The following CSPG4 variants were observed in gnomAD, a reference collection of about 807,000 sequenced individuals.
CSPG4 encodes the protein chondroitin sulfate proteoglycan 4, also known as chondroitin sulfate proteoglycan 4 (melanoma-associated).
In CSPG4, 74 loss-of-function variants were observed where a neutral mutation model predicts 139.3. That is an observed-to-expected ratio of 0.53 (90% CI 0.44 to 0.64). The LOEUF is 0.64. Ranked by LOEUF, CSPG4 falls within the 30% of genes least tolerant of loss-of-function variation. The pLI, the probability that CSPG4 is intolerant of heterozygous loss-of-function variation, is 0.00. For synonymous variants in CSPG4, 1,234 were observed against 1,394.2 expected (o/e 0.89, Z 2.56); for missense variants, 2,565 against 3,148.3 (o/e 0.81, Z 4.43).
rs1222388009 is a variant in CSPG4 at position 75,684,244 on chromosome 15, TC to T, written c.4449+491del. On this transcript the variant is annotated intron_variant, in intron 5 of 9. Coordinates refer to ENST00000308508, the MANE Select transcript of CSPG4 (RefSeq NM_001897.5). ...TCCATCCCACGTCTGGGCCTCAACT[TC>T]CACCTGCAGAGTGGGGCCCTTACCT... Among the ~76,000 whole-genome samples the T allele has an allele frequency of 2.0e-5, 3 of 152,358 alleles. No individual in the cohort carries two copies. In the East Asian group the frequency reaches 5.8e-4, roughly 29 times the overall value.
chr15:75,689,340 A>G lies in CSPG4; in HGVS notation c.1725T>C (p.Pro575=), dbSNP rs372761533. 1.5e-5 allele frequency: 24 copies of G among 1,611,308 alleles called. No individual in the cohort carries two copies. Among genetic ancestry groups the G allele is most frequent in the African/African-American group, 9.3e-5 (7 of 74,868 alleles). Residue 575 remains proline (P), a synonymous_variant, in exon 3 of 10, where the codon CCT becomes CCC. Transcript: ENST00000308508. The part of the protein sequence containing the change: ...ILEHTQKPLG[P]EVFQAYDPDS... ...CCGGGTCATAGGCCTGGAAAACCTC[A>G]GGCCCCAGCGGCTTCTGCGTGTGTT...
chr15:75,701,011 C>T (rs1450052830), intron 1 of CSPG4, among the ~76,000 whole-genome samples: 1 of 152,160 alleles, frequency 6.6e-6, no homozygotes, highest in Non-Finnish European at 1.5e-5. Flanking sequence ...GGGCTCAGAG[C>T]CATGTGCTTC....
chr15:75,687,636 G>C lies in CSPG4; in HGVS notation c.3429C>G (p.Gly1143=). 1 of 1,612,630 alleles carries C rather than the reference G, an allele frequency of 6.2e-7. No individual in the cohort carries two copies. The highest frequency in any genetic ancestry group is 8.5e-7 in the Non-Finnish European group (1 of 1,179,812). Reference sequence around the variant, plus strand: ...GGTGGAGCACGGCCGTGTCGATGGTGCCCTGGCCTCCTTGAGGGACCACAA... The same window carrying C: ...GGTGGAGCACGGCCGTGTCGATGGTCCCCTGGCCTCCTTGAGGGACCACAA... ...SSLVVPQGGQ[G]TIDTAVLHLD... The change falls in exon 3 of 10, where the codon GGC becomes GGG. Residue 1143 remains glycine (G), a synonymous_variant. Coordinates refer to ENST00000308508, the MANE Select transcript of CSPG4 (RefSeq NM_001897.5). The surrounding 1 kb of genome is among the most constrained non-coding windows in gnomAD (Gnocchi z 5.4).
chr15:75,682,925 C>G lies in CSPG4; in HGVS notation c.4566G>C (p.Val1522=), dbSNP rs530150831. The G allele has an allele frequency of 6.2e-7, 1 of 1,611,168 alleles. No homozygotes were observed. Among genetic ancestry groups the G allele is most frequent in the African/African-American group, 1.3e-5 (1 of 74,938 alleles). Residue 1522 remains valine (V), a synonymous_variant, in exon 6 of 10, where the codon GTG becomes GTC. Coordinates refer to ENST00000308508, the MANE Select transcript of CSPG4 (RefSeq NM_001897.5). ...TIEQPSNGRV[V]LRGAPGTEVR... ...CCTCAGTGCCCGGCGCCCCCCGCAG[C>G]ACTACCCGCCCGTTGCTGGGCTGCT...
In CSPG4 at chr15:75,675,753, C is replaced by A; in HGVS notation, c.6766G>T (p.Asp2256Tyr). 6.2e-7 allele frequency: 1 copy of A among 1,610,652 alleles called. No homozygotes were observed. The highest frequency in any genetic ancestry group is 2.2e-5 in the East Asian group (1 of 44,822). Residue 2256 changes from aspartate (D) to tyrosine (Y), a missense_variant, in exon 10 of 10, where the codon GAC (aspartate) becomes TAC (tyrosine). Asp to Tyr is a radical substitution (Grantham distance 160). Transcript: ENST00000308508. ...GGCTTGGCAGTCAGGACCTGGACGT[C>A]ATGCTTGCCCGTCTTGTTGCGTTTT... Reference protein sequence around the residue: ...LRKRNKTGKHDVQVLTAKPRN... With the variant: ...LRKRNKTGKHYVQVLTAKPRN...
At chr15:75,700,148 T>C (rs35803277) in intron 1 of CSPG4, among the ~76,000 whole-genome samples, 46,957 of 151,534 alleles carry the variant, frequency 0.31, 7,365 homozygotes, top group Admixed American at 0.35. Flanking sequence ...CTTAAGCTCC[T>C]GTGGGTGTGG....
chr15:75,701,341 T>C (rs1238955360), intron 1 of CSPG4, among the ~76,000 whole-genome samples: 1 of 152,134 alleles, frequency 6.6e-6, no homozygotes, highest in African/African-American at 2.4e-5. Context: ...TGTGAGGGTT[T>C]TTCTATCAGG....
At chr15:75,712,877 A>C, upstream of CSPG4, 1 of 759,256 alleles carries the variant, frequency 1.3e-6, no homozygotes, top group Non-Finnish European at 2.0e-6. Context: ...CGCGCACTTA[A>C]CTCCGGGGGC....
rs1387975850 is a variant in CSPG4, at chr15:75,687,449, T to C, written c.3616A>G (p.Ser1206Gly). The change falls in exon 3 of 10, where the codon AGC becomes GGC. Residue 1206 changes from serine to glycine, a missense_variant. Physicochemically the swap from Ser to Gly is moderately conservative, Grantham distance 56. Around this residue, in one of 5 missense-constraint regions of CSPG4, gnomAD observed 2,316 missense variants for 2,818.2 expected, o/e 0.82. Transcript: ENST00000308508. The surrounding 1 kb of genome is among the most constrained non-coding windows in gnomAD (Gnocchi z 5.4). ...GAGAAGGCCATGGTGTCGCGGGGGC[T>C]GAGGCTGCCATTGTGGCTATAGAGA... is the stretch of plus-strand genomic sequence containing the variant. Reference protein sequence around the residue: ...AVLYSHNGSLSPRDTMAFSVE... With the variant: ...AVLYSHNGSLGPRDTMAFSVE... 9 of 1,612,404 alleles carry C rather than the reference T, an allele frequency of 5.6e-6. No homozygotes were observed. The highest frequency in any genetic ancestry group is 1.3e-5 in the African/African-American group (1 of 74,968).
At chr15:75,695,560 G>C (rs151132022) in intron 1 of CSPG4, among the ~76,000 whole-genome samples, 133 of 152,290 alleles carry the variant, frequency 8.7e-4, no homozygotes, top group African/African-American at 3.1e-3. Flanking sequence ...TGGAAACTCT[G>C]ACAGCGCCAC....
chr15:75,675,859 G>C lies in CSPG4; in HGVS notation c.6660C>G (p.Ala2220=). The C allele has an allele frequency of 1.2e-6, 2 of 1,609,864 alleles. No individual in the cohort carries two copies. The highest frequency in any genetic ancestry group is 1.7e-6 in the Non-Finnish European group (2 of 1,179,986). Residue 2220 remains alanine (A), a synonymous_variant, in exon 10 of 10, where the codon GCC becomes GCG. Coordinates refer to ENST00000308508, the MANE Select transcript of CSPG4 (RefSeq NM_001897.5). ...TGGGGATGATGACGCTGAACATGTT[G>C]GCCTCAAGGAAGCTCAGGAAGCCTC... is the stretch of plus-strand genomic sequence containing the variant. ...AKGGFLSFLE[A]NMFSVIIPMC...
At position 75,690,571 on chromosome 15, in the gene CSPG4, G is replaced by T; in HGVS notation, c.494C>A (p.Pro165His). The T allele has an allele frequency of 1.2e-6, 2 of 1,608,478 alleles. No individual in the cohort carries two copies. Among genetic ancestry groups the T allele is most frequent in the Non-Finnish European group, 1.7e-6 (2 of 1,178,432 alleles). Reference protein sequence around the residue: ...GLPYLRGTSRPLRGCLHAATL... With the variant: ...GLPYLRGTSRHLRGCLHAATL... ...GGCTGCATGGAGGCAACCCCTCAGGGGTCGGCTGGTTCCCCTCAGGTAGGG... is the reference window on the plus strand; with the variant it reads ...GGCTGCATGGAGGCAACCCCTCAGGTGTCGGCTGGTTCCCCTCAGGTAGGG... The change falls in exon 3 of 10, where the codon CCC becomes CAC. Residue 165 changes from proline to histidine, a missense_variant. Pro to His is a moderately conservative substitution (Grantham distance 77). This residue lies in a region of CSPG4 where 132 missense variants were observed against 132.3 expected (regional missense o/e 1.00). Coordinates refer to ENST00000308508, the MANE Select transcript of CSPG4 (RefSeq NM_001897.5).
rs1379405983 is a variant in CSPG4, at chr15:75,704,006, G to A, written c.88+8662C>T. 9.0e-4 allele frequency among the ~76,000 whole-genome samples: 90 copies of A among 99,872 alleles called. 4 individuals carry two copies. In the South Asian group the frequency reaches 0.016, roughly 17 times the overall value. 65.5% of individuals were successfully genotyped at this position (99,872 alleles called of 152,430 possible). Reference sequence around the variant, plus strand: ...TGGGAGCCGGGGGTGGAGAGGAGCCGCTGCTCTCATCCCGGGGGGAGCCCC... The same window carrying A: ...TGGGAGCCGGGGGTGGAGAGGAGCCACTGCTCTCATCCCGGGGGGAGCCCC... On this transcript the variant is annotated intron_variant, in intron 1 of 9. Transcript: ENST00000308508.
rs747537043 is a variant in CSPG4, at chr15:75,688,006, A to G, written c.3059T>C (p.Val1020Ala). 3 of 1,612,302 alleles carry G rather than the reference A, an allele frequency of 1.9e-6. No individual in the cohort carries two copies. The highest frequency in any genetic ancestry group is 2.7e-5 in the African/African-American group (2 of 75,070). The change falls in exon 3 of 10, where the codon GTG becomes GCG. Residue 1020 changes from valine (V) to alanine (A), a missense_variant. By Grantham distance (64) the Val-to-Ala change is moderately conservative (BLOSUM62 0). Transcript: ENST00000308508. Reference protein sequence around the residue: ...AIQPVNDHAPVQTISRIFHVA... With the variant: ...AIQPVNDHAPAQTISRIFHVA... ...ATGGAAGATCCGGCTGATGGTCTGC[A>G]CAGGGGCGTGGTCATTCACGGGCTG...
chr15:75,679,000 C>T, intron 8 of CSPG4: 1 of 342,672 alleles, frequency 2.9e-6, no homozygotes, highest in Non-Finnish European at 5.7e-6. Flanking sequence ...CCTCTTCTCC[C>T]CAACATCTTA....
rs1490870832 is a variant in CSPG4, at chr15:75,689,451, T to G, written c.1614A>C (p.Gln538His). 17 of 1,612,742 alleles carry G rather than the reference T, an allele frequency of 1.1e-5. No homozygotes were observed. The highest frequency in any genetic ancestry group is 1.4e-5 in the Non-Finnish European group (17 of 1,179,842). Reference protein sequence around the residue: ...VPMPSCLRRGQTYLLPIQVNP... With the variant: ...VPMPSCLRRGHTYLLPIQVNP... Reference sequence around the variant, plus strand: ...TGACCTGGATGGGCAGGAGGTATGTTTGGCCCCTCCGAAGGCATGAGGGCA... The same window carrying G: ...TGACCTGGATGGGCAGGAGGTATGTGTGGCCCCTCCGAAGGCATGAGGGCA... Residue 538 changes from glutamine (Q) to histidine (H), a missense_variant, in exon 3 of 10, where the codon CAA (glutamine) becomes CAC (histidine). Physicochemically the swap from Gln to His is conservative, Grantham distance 24. This residue lies in a region of CSPG4 where 2,316 missense variants were observed against 2,818.2 expected (regional missense o/e 0.82). Transcript: ENST00000308508.
chr15:75,687,522 A>C lies in CSPG4; in HGVS notation c.3543T>G (p.Gly1181=), dbSNP rs755513963. 3.7e-6 allele frequency: 6 copies of C among 1,611,886 alleles called. No individual in the cohort carries two copies. The East Asian group carries it at 1.1e-4, about 30-fold the overall frequency. ...GCTGGGAGAAGGCTGTGGCTGGCTG[A>C]CCAGCCCGGACTAGCTGTCCCCAGC... ...GPRWGQLVRA[G]QPATAFSQQD... The change falls in exon 3 of 10, where the codon GGT becomes GGG. Residue 1181 remains glycine (G), a synonymous_variant. Transcript: ENST00000308508. This position sits in a 1 kb window ranked among gnomAD's most constrained non-coding sequence, Gnocchi z 5.4.
At chr15:75,680,387 A>C (rs1566972067) in intron 8 of CSPG4, 1 of 152,266 alleles carries the variant, frequency 6.6e-6, no homozygotes, top group African/African-American at 2.4e-5. Context: ...CTTTTAAGAA[A>C]ATGGGAATCA....
chr15:75,705,601 T>C (rs954871326), intron 1 of CSPG4, among the ~76,000 whole-genome samples: 5 of 152,246 alleles, frequency 3.3e-5, no homozygotes, highest in Non-Finnish European at 5.9e-5. Context: ...CCCAAGGTCA[T>C]GCATAGAGCG....
Sources: gnomAD v4.1 joint callset for allele counts (sites outside exome capture counted in the v4.1 genomes callset) on GRCh38, gnomAD v4.1.1 for gene constraint, gnomAD v4.1.1 regional missense constraint, Gnocchi (gnomAD v3.1) non-coding constraint, MANE v1.5 for transcripts, NCBI Gene and HGNC (gene_info 2026-07-23, HGNC 2026-07-21) for gene names.